The following SEC23B variants were observed in gnomAD, a reference collection of about 807,000 sequenced individuals.
SEC23B encodes the protein protein transport protein Sec23B.
A neutral mutation model predicts 104.3 loss-of-function variants in SEC23B; 77 were observed. The observed-to-expected ratio is 0.74, with a 90% confidence interval of 0.61 to 0.89. The LOEUF is 0.89. Among genes scored for constraint, SEC23B ranks in the 40% least tolerant of loss-of-function variants. The pLI is 0.00. For synonymous variants in SEC23B, 338 were observed against 332.5 expected, an observed-to-expected ratio of 1.02 and a Z score of -0.18; for missense variants, 885 against 949.4, an observed-to-expected ratio of 0.93 and a Z score of 0.89.
rs1199618862 is a variant in SEC23B at position 18,560,700 on chromosome 20, T to C, written c.2264T>C (p.Met755Thr). The C allele has an allele frequency of 2.5e-6, 4 of 1,614,068 alleles. No individual in the cohort carries two copies. Among genetic ancestry groups the C allele is most frequent in the African/African-American group, 1.3e-5 (1 of 74,930 alleles). ...LTDDVSLQVF[M>T]DHLKKLAVSS... ...GATGATGTTAGCCTGCAGGTGTTCA[T>C]GGACCATTTGAAGAAGCTGGCTGTC... The change falls in exon 20 of 20, where the codon ATG (methionine) becomes ACG (threonine). Residue 755 changes from methionine to threonine, a missense_variant. Coordinates refer to ENST00000650089, the MANE Select transcript of SEC23B (RefSeq NM_006363.6).
At chr20:18,507,814 C>T (rs1033238074), upstream of SEC23B, 17 of 152,372 alleles carry the variant, frequency 1.1e-4, no homozygotes, top group African/African-American at 4.1e-4. Flanking sequence ...TCTCTCGCTT[C>T]CTCCAGTCCG....
chr20:18,508,948 T>G (rs1237463085), intron 1 of SEC23B, among the ~76,000 whole-genome samples: 1 of 152,194 alleles, frequency 6.6e-6, no homozygotes, highest in Non-Finnish European at 1.5e-5. Flanking sequence ...CTTGAATTCC[T>G]GACCTCAGGT....
In SEC23B at chr20:18,560,772, T is replaced by G. The variant is rs879811598; in HGVS notation, c.*32T>G. 2.0e-5 allele frequency: 30 copies of G among 1,497,056 alleles called. No individual in the cohort carries two copies. The highest frequency in any genetic ancestry group is 2.6e-5 in the Non-Finnish European group (28 of 1,073,304). 92.7% of individuals were successfully genotyped at this position (1,497,056 alleles called of 1,614,324 possible). A position where few individuals can be genotyped will look rare whatever the true frequency, so the allele number is the denominator to read the frequency against. ...GATACAACCAGGAAATGCAACGGTG[T>G]CAGATTGTGTTCAAAATGTCTAGAA... is the stretch of plus-strand genomic sequence containing the variant. On this transcript the variant is annotated 3_prime_UTR_variant, in exon 20 of 20. Coordinates refer to ENST00000650089, the MANE Select transcript of SEC23B (RefSeq NM_006363.6).
At chr20:18,514,141 C>T (rs1184467307) in intron 3 of SEC23B, among the ~76,000 whole-genome samples, 1 of 152,112 alleles carries the variant, frequency 6.6e-6, no homozygotes, top group African/African-American at 2.4e-5. Context: ...TCTATGTGTC[C>T]TAAGTGGAAA....
chr20:18,524,449 C>T lies in SEC23B; in HGVS notation c.383C>T (p.Pro128Leu). 6.2e-7 allele frequency: 1 copy of T among 1,614,106 alleles called. No individual in the cohort carries two copies. The highest frequency in any genetic ancestry group is 8.5e-7 in the Non-Finnish European group (1 of 1,179,972). ...EYVIQRGAQS[P>L]LIFLYVVDTC... ...TGCCCAAAGCGAGGTGCTCAGTCCC[C>T]TCTGATCTTTCTCTATGTGGTTGAC... The change falls in exon 5 of 20, where the codon CCT (proline) becomes CTT (leucine). Residue 128 changes from proline (P) to leucine (L), a missense_variant. Pro to Leu is a moderately conservative substitution (Grantham distance 98, BLOSUM62 -3). Transcript: ENST00000650089.
chr20:18,528,845 A>G (rs897690651), intron 9 of SEC23B, among the ~76,000 whole-genome samples: 1 of 152,204 alleles, frequency 6.6e-6, no homozygotes, highest in African/African-American at 2.4e-5. Flanking sequence ...TTTTTCTGTG[A>G]AGAGTTACCA....
intron 9 of SEC23B, among the ~76,000 whole-genome samples, chr20:18,528,867 CAT>C (rs1212724003): frequency 1.3e-5 from 2 of 152,214 alleles, no homozygotes; most frequent in East Asian, 3.8e-4. Flanking sequence ...CTGTTGCACA[CAT>C]GTGTTAGTAT....
At position 18,508,495 on chromosome 20, in the gene SEC23B, A is replaced by G. The variant is rs893318078; in HGVS notation, c.-15+523A>G. On this transcript the variant is annotated intron_variant, in intron 1 of 19. Transcript: ENST00000650089. ...TACCTCTTCAGATACCTTCCCCGAT[A>G]CTTTGGTAAAAGCTATGGACCCATC... Among the ~76,000 whole-genome samples the G allele has an allele frequency of 2.6e-5, 4 of 152,032 alleles. No individual in the cohort carries two copies. In the South Asian group the frequency reaches 8.3e-4, roughly 32 times the overall value.
chr20:18,521,813 C>T (rs923017490), intron 4 of SEC23B, among the ~76,000 whole-genome samples: 9 of 152,020 alleles, frequency 5.9e-5, no homozygotes, highest in South Asian at 4.2e-4. Context: ...TGGGACGAGT[C>T]GCATTGGGAG....
At chr20:18,521,064 C>T (rs1458785303) in intron 4 of SEC23B, among the ~76,000 whole-genome samples, 2 of 152,114 alleles carry the variant, frequency 1.3e-5, no homozygotes, top group Non-Finnish European at 2.9e-5. Flanking sequence ...GAAGCAAGCT[C>T]CTGCGGGAGG....
chr20:18,537,871 G>A (rs978178326), intron 12 of SEC23B, among the ~76,000 whole-genome samples: 1 of 152,056 alleles, frequency 6.6e-6, no homozygotes, highest in Non-Finnish European at 1.5e-5. Flanking sequence ...TTACATTGAT[G>A]TTGTTGGCTG....
intron 15 of SEC23B, 70 bp downstream of exon 15, chr20:18,546,103 G>A (rs960161354): frequency 3.2e-6 from 3 of 942,890 alleles, no homozygotes; most frequent in Non-Finnish European, 1.7e-6. Flanking sequence ...TTATTCTTAG[G>A]GTAAAGTGAA....
intron 4 of SEC23B, among the ~76,000 whole-genome samples, chr20:18,518,051 T>C (rs1358069184): frequency 6.6e-6 from 1 of 152,208 alleles, no homozygotes; most frequent in East Asian, 1.9e-4. Flanking sequence ...CATTAGTTTG[T>C]CCTACCGTTC....
intron 12 of SEC23B, among the ~76,000 whole-genome samples, chr20:18,538,249 CTTTTTT>C (rs34866001): frequency 8.7e-6 from 1 of 114,652 alleles, no homozygotes; most frequent in Non-Finnish European, 1.9e-5. Context: ...CTGGGAATTT[CTTTTTT>C]TTTTTTTTTT....
chr20:18,522,924 G>A (rs545731473), intron 4 of SEC23B, among the ~76,000 whole-genome samples: 3 of 152,078 alleles, frequency 2.0e-5, no homozygotes, highest in Middle Eastern at 3.4e-3. Flanking sequence ...AAAATTAGCC[G>A]GGCGTGGTGG....
intron 4 of SEC23B, among the ~76,000 whole-genome samples, chr20:18,521,126 T>C (rs1317403036): frequency 2.0e-5 from 3 of 152,132 alleles, no homozygotes; most frequent in South Asian, 4.1e-4. Context: ...GGAGTTCTTG[T>C]GTGCTGGAGA....
At position 18,524,574 on chromosome 20, in the gene SEC23B, G is replaced by C; in HGVS notation, c.508G>C (p.Gly170Arg). 6.2e-7 allele frequency: 1 copy of C among 1,614,204 alleles called. No homozygotes were observed. Among genetic ancestry groups the C allele is most frequent in the Non-Finnish European group, 8.5e-7 (1 of 1,180,036 alleles). Residue 170 changes from glycine (G) to arginine (R), a missense_variant, in exon 5 of 20, where the codon GGA becomes CGA. Physicochemically the swap from Gly to Arg is moderately radical, Grantham distance 125. Transcript: ENST00000650089. ...PDALVGLITF[G>R]RMVQVHELSC... ...TGCTCTGGTGGGTCTGATCACATTT[G>C]GAAGGATGGTGCAGGTTCATGAGCT...
chr20:18,536,542 T>C (rs760742656), intron 12 of SEC23B, among the ~76,000 whole-genome samples: 7 of 151,778 alleles, frequency 4.6e-5, no homozygotes, highest in African/African-American at 7.3e-5. Flanking sequence ...AATACAAAAA[T>C]TTAGCCAGGT....
intron 18 of SEC23B, 114 bp from the exon 19 acceptor site, chr20:18,554,967 CAATTCTAATTAGATTACTGTGCAGTAA>C: frequency 3.2e-4 from 22 of 69,434 alleles, no homozygotes; most frequent in South Asian, 6.2e-4. Context: ...TGCAGTAAAA[CAATTCTAATTAGATTACTGTGCAGTAA>C]AACAATTCTA....
Sources: allele counts gnomAD v4.1 joint callset (sites outside exome capture counted in the v4.1 genomes callset), GRCh38; gene constraint gnomAD v4.1.1; transcripts MANE v1.5; gene names NCBI Gene and HGNC (gene_info 2026-07-23, HGNC 2026-07-21).